MCPH1: variants seen among roughly 807,000 people sequenced by gnomAD.
MCPH1 encodes microcephalin.
In MCPH1, 104 loss-of-function variants were observed where a neutral mutation model predicts 84.5. The ratio of observed to expected loss-of-function variants is 1.23; its 90% CI spans 1.05 to 1.45. The LOEUF (loss-of-function observed/expected upper bound fraction) is 1.45, where lower values mean the gene tolerates loss of function less well. Ranked by LOEUF, MCPH1 falls within the 40% of genes most tolerant of loss-of-function variation. The pLI is 0.00. For synonymous variants in MCPH1, 514 were observed against 366.8 expected (o/e 1.40, Z -4.58); for missense variants, 1,498 against 1,005.7 (o/e 1.49, Z -6.62).
At chr8:6,447,477 C>G (rs1418949934) in intron 8 of MCPH1, 2 of 944,046 alleles carry the variant, frequency 2.1e-6, no homozygotes, top group East Asian at 1.2e-4. Flanking sequence ...GCTTCAAAAA[C>G]AAGTTACAAA....
chr8:6,451,012 G>A (rs544362541), intron 8 of MCPH1, among the ~76,000 whole-genome samples: 1 of 152,270 alleles, frequency 6.6e-6, no homozygotes, highest in East Asian at 1.9e-4. Context: ...CCAGCCTATG[G>A]TATAGTACAT....
At chr8:6,551,690 A>G (rs546484491) in intron 12 of MCPH1, among the ~76,000 whole-genome samples, 100 of 152,352 alleles carry the variant, frequency 6.6e-4, no homozygotes, top group African/African-American at 2.3e-3. Flanking sequence ...AAAGTTGGAA[A>G]AGTTTAAGGA....
intron 4 of MCPH1, 145 bp from the exon 5 acceptor site, chr8:6,435,903 G>A (rs1284314911): frequency 2.4e-6 from 2 of 850,228 alleles, no homozygotes; most frequent in Non-Finnish European, 1.8e-6. Context: ...AATATTGCCA[G>A]TTCACATACA....
Position 6,409,289 on chromosome 8 carries a change from C to G in MCPH1, c.33C>G (p.Ala11=), listed in dbSNP as rs1798205534. The change falls in exon 2 of 14, where the codon GCC becomes GCG. Residue 11 remains alanine, a synonymous_variant. Coordinates refer to ENST00000344683, the MANE Select transcript of MCPH1 (RefSeq NM_024596.5). The part of the protein sequence containing the change: MAAPILKDVV[A]YVEVWSSNGT... ...ATATCTTGTTTTCAGATGTAGTGGC[C>G]TATGTTGAAGTGTGGTCATCCAATG... 3.7e-6 allele frequency: 6 copies of G among 1,613,008 alleles called. No homozygotes were observed. The highest frequency in any genetic ancestry group is 1.3e-5 in the African/African-American group (1 of 74,976).
At chr8:6,595,516 G>T (rs28575575) in intron 12 of MCPH1, among the ~76,000 whole-genome samples, 10 of 152,302 alleles carry the variant, frequency 6.6e-5, no homozygotes, top group Non-Finnish European at 1.3e-4. Flanking sequence ...AGCCAGTGGG[G>T]AAGAGGAGGC....
chr8:6,502,784 C>G (rs904996258), intron 12 of MCPH1: 5 of 343,570 alleles, frequency 1.5e-5, no homozygotes, highest in Non-Finnish European at 1.6e-5. Context: ...TACTGATAAA[C>G]TTGCACATAA....
intron 12 of MCPH1, among the ~76,000 whole-genome samples, chr8:6,575,582 G>C (rs934321188): frequency 2.6e-5 from 4 of 152,182 alleles, no homozygotes; most frequent in African/African-American, 9.7e-5. Flanking sequence ...TCACTTCTTT[G>C]AAGGTCCTTG....
At chr8:6,508,887 T>G in intron 12 of MCPH1, 3 of 1,613,450 alleles carry the variant, frequency 1.9e-6, no homozygotes, top group Non-Finnish European at 2.5e-6. Flanking sequence ...CTCTATGAAA[T>G]CATTCCTTGC....
chr8:6,575,338 C>T (rs190734741), intron 12 of MCPH1, among the ~76,000 whole-genome samples: 1 of 152,258 alleles, frequency 6.6e-6, no homozygotes, highest in East Asian at 1.9e-4. Context: ...AGTTAAGCAG[C>T]AAAGCAGCTC....
chr8:6,441,936 G>C (rs1040070944), intron 6 of MCPH1, 131 bp from the exon 7 acceptor site: 8 of 679,990 alleles, frequency 1.2e-5, no homozygotes, highest in Non-Finnish European at 1.8e-5. Flanking sequence ...TTGACTTTAA[G>C]ATCCCTTCTA....
At chr8:6,484,050 A>G (rs1006229009) in intron 11 of MCPH1, among the ~76,000 whole-genome samples, 4 of 152,246 alleles carry the variant, frequency 2.6e-5, no homozygotes, top group African/African-American at 9.6e-5. Context: ...CAAAAGCATG[A>G]TGAATAACAG....
intron 11 of MCPH1, among the ~76,000 whole-genome samples, chr8:6,485,981 C>T (rs745961275): frequency 9.2e-5 from 14 of 152,148 alleles, no homozygotes; most frequent in African/African-American, 3.4e-4. Flanking sequence ...TCATCTCAGT[C>T]TTCAAGAAGA....
chr8:6,606,186 T>G (rs1203205758), intron 12 of MCPH1, among the ~76,000 whole-genome samples: 1 of 152,210 alleles, frequency 6.6e-6, no homozygotes, highest in Non-Finnish European at 1.5e-5. Flanking sequence ...GTTCATACTT[T>G]GAAGAATATG....
rs1182834756 is a variant in MCPH1, at chr8:6,447,198, T to A, written c.1825+1651T>A. Reference sequence around the variant, plus strand: ...ATAGTAATAAAGATTCATCAATGTTTTAAACTGTCCACTGTCAGCCCCCTG... The same window carrying A: ...ATAGTAATAAAGATTCATCAATGTTATAAACTGTCCACTGTCAGCCCCCTG... On this transcript the variant is annotated intron_variant, in intron 8 of 13. Transcript: ENST00000344683. 3.0e-6 allele frequency: 3 copies of A among 985,294 alleles called. No individual in the cohort carries two copies. The African/African-American group carries it at 5.2e-5, about 17-fold the overall frequency. 61.0% of individuals were successfully genotyped at this position (985,294 alleles called of 1,614,324 possible).
chr8:6,540,800 A>G (rs1026893287), intron 12 of MCPH1, among the ~76,000 whole-genome samples: 1 of 152,270 alleles, frequency 6.6e-6, no homozygotes, highest in African/African-American at 2.4e-5. Flanking sequence ...GAGCGCAGCC[A>G]TGCCGAACAG....
chr8:6,487,698 C>T (rs548464548), intron 11 of MCPH1, among the ~76,000 whole-genome samples: 1 of 152,198 alleles, frequency 6.6e-6, no homozygotes, highest in Non-Finnish European at 1.5e-5. Context: ...CACTTGCAAG[C>T]TGACTAGGAT....
chr8:6,513,118 C>G (rs979629967), intron 12 of MCPH1, among the ~76,000 whole-genome samples: 1 of 152,156 alleles, frequency 6.6e-6, no homozygotes, highest in Non-Finnish European at 1.5e-5. Flanking sequence ...ATCTACCAGG[C>G]AGAGTTCTTC....
At chr8:6,564,546 A>G (rs1276313059) in intron 12 of MCPH1, among the ~76,000 whole-genome samples, 7 of 150,508 alleles carry the variant, frequency 4.7e-5, no homozygotes, top group Non-Finnish European at 1.0e-4. Flanking sequence ...TCAGCAGCCC[A>G]AGTGTACATA....
chr8:6,492,699 T>G (rs1029138745), intron 11 of MCPH1, among the ~76,000 whole-genome samples: 1 of 147,024 alleles, frequency 6.8e-6, no homozygotes, highest in Non-Finnish European at 1.5e-5. Context: ...TAAAATTTTT[T>G]TAAAAATAAA....
Sources: gnomAD v4.1 joint callset for allele counts (sites outside exome capture counted in the v4.1 genomes callset) on GRCh38, gnomAD v4.1.1 for gene constraint, MANE v1.5 for transcripts, NCBI Gene and HGNC (gene_info 2026-07-23, HGNC 2026-07-21) for gene names.